CUX2: variants seen among roughly 807,000 people sequenced by gnomAD.
CUX2 encodes the protein cut like homeobox 2.
Under a neutral mutation model 144.8 loss-of-function variants are expected in CUX2, and 40 were observed. The ratio of observed to expected loss-of-function variants is 0.28; its 90% CI spans 0.21 to 0.36. CUX2 has a LOEUF of 0.36. Among genes scored for constraint, CUX2 ranks in the 10% least tolerant of loss-of-function variants. The pLI is 1.00. For synonymous variants in CUX2, 827 were observed against 875.6 expected, an observed-to-expected ratio of 0.94 and a Z score of 0.98; for missense variants, 1,615 against 1,994.0, an observed-to-expected ratio of 0.81 and a Z score of 3.62.
chr12:111,035,320 C>A lies in CUX2; in HGVS notation c.63+1080C>A, dbSNP rs762102197. ...CCTCCCTTTGTGGGAGTCTGTGTGC[C>A]TCCCCTAGATTTGGAGGTGTTCTCT... On this transcript the variant is annotated intron_variant, in intron 1 of 21. Transcript: ENST00000261726. The surrounding 1 kb of genome is among the most constrained non-coding windows in gnomAD (Gnocchi z 6.0). Among the ~76,000 whole-genome samples, 44 of 152,198 alleles carry A rather than the reference C, an allele frequency of 2.9e-4. No individual in the cohort carries two copies. Among genetic ancestry groups the A allele is most frequent in the Non-Finnish European group, 5.6e-4 (38 of 68,038 alleles).
In CUX2 at chr12:111,295,045, T is replaced by C. The variant is rs938537900; in HGVS notation, c.561-288T>C. Among the ~76,000 whole-genome samples, 4 of 152,174 alleles carry C rather than the reference T, an allele frequency of 2.6e-5. No individual in the cohort carries two copies. Among genetic ancestry groups the C allele is most frequent in the African/African-American group, 9.7e-5 (4 of 41,448 alleles). On this transcript the variant is annotated intron_variant, in intron 6 of 21. Transcript: ENST00000261726. This position sits in a 1 kb window ranked among gnomAD's most constrained non-coding sequence, Gnocchi z 5.0. ...GAGGCAGACCCTATCAGAAACCTCATTTTAAAAATAAGGAAACTGAGGACC... is the reference window on the plus strand; with the variant it reads ...GAGGCAGACCCTATCAGAAACCTCACTTTAAAAATAAGGAAACTGAGGACC...
At chr12:111,236,261 C>T (rs1882737929) in intron 3 of CUX2, among the ~76,000 whole-genome samples, 1 of 152,168 alleles carries the variant, frequency 6.6e-6, no homozygotes, top group African/African-American at 2.4e-5. Flanking sequence ...ATTCCTCAAA[C>T]ACGCTGCAGA....
At chr12:111,099,448 C>T (rs994957916) in intron 1 of CUX2, 10 of 415,040 alleles carry the variant, frequency 2.4e-5, no homozygotes, top group Middle Eastern at 4.1e-4. Flanking sequence ...TTGCCAAGCC[C>T]GGAAAGCCAG....
chr12:111,203,484 G>T (rs533888505), intron 1 of CUX2, among the ~76,000 whole-genome samples: 64 of 151,662 alleles, frequency 4.2e-4, no homozygotes, highest in African/African-American at 1.5e-3. Flanking sequence ...GGTTGAGGCT[G>T]CAGTGAGCTG....
At chr12:111,243,496 CTTTTT>C (rs761276935) in intron 3 of CUX2, among the ~76,000 whole-genome samples, 2 of 80,020 alleles carry the variant, frequency 2.5e-5, no homozygotes, top group Non-Finnish European at 4.3e-5. Flanking sequence ...GTTGATGTGC[CTTTTT>C]TTTTTTTTTT....
rs116003760 is a variant in CUX2 at position 111,296,486 on chromosome 12, G to T, written c.651G>T (p.Thr217=). The change falls in exon 8 of 22, where the codon ACG becomes ACT. Residue 217 remains threonine (T), a synonymous_variant. Coordinates refer to ENST00000261726, the MANE Select transcript of CUX2 (RefSeq NM_015267.4). ...IKVLHSALKA[T]QAELLELRRK... ...GCTTTCTCCCAGCGCTAAAGGCTAC[G>T]CAGGCAGAGCTGCTAGAGCTGCGGC... The T allele has an allele frequency of 3.7e-6, 6 of 1,609,718 alleles. No individual in the cohort carries two copies. In the Admixed American group the frequency reaches 5.0e-5, roughly 13 times the overall value.
At chr12:111,247,583 G>A (rs556728203) in intron 3 of CUX2, among the ~76,000 whole-genome samples, 2 of 152,282 alleles carry the variant, frequency 1.3e-5, no homozygotes, top group South Asian at 4.2e-4. Flanking sequence ...GCCAGGTCAG[G>A]ATCACCAAGC....
At chr12:111,330,544 T>C (rs1208298930) in intron 18 of CUX2, among the ~76,000 whole-genome samples, 2 of 151,162 alleles carry the variant, frequency 1.3e-5, no homozygotes, top group Non-Finnish European at 3.0e-5. Flanking sequence ...CTTGAGATCA[T>C]GAGCATTGGC....
intron 1 of CUX2, among the ~76,000 whole-genome samples, chr12:111,127,945 T>A (rs1875197427): frequency 6.6e-6 from 1 of 152,198 alleles, no homozygotes; most frequent in Non-Finnish European, 1.5e-5. Flanking sequence ...ATGATTCAGT[T>A]ATCTCCACCT....
chr12:111,274,276 G>A (rs2136305361), intron 4 of CUX2, among the ~76,000 whole-genome samples: 1 of 152,262 alleles, frequency 6.6e-6, no homozygotes, highest in South Asian at 2.1e-4. Flanking sequence ...AGTCCTGGCT[G>A]TGCTATTCCC....
intron 4 of CUX2, among the ~76,000 whole-genome samples, chr12:111,274,729 C>T (rs552195042): frequency 8.5e-5 from 13 of 152,330 alleles, no homozygotes; most frequent in Non-Finnish European, 1.8e-4. Flanking sequence ...CTCCCACCCC[C>T]GCAGGCGCCC....
intron 3 of CUX2, among the ~76,000 whole-genome samples, chr12:111,235,907 G>A (rs990060188): frequency 2.0e-5 from 3 of 152,088 alleles, no homozygotes; most frequent in Non-Finnish European, 1.5e-5. Flanking sequence ...ATTAGCAGAA[G>A]AGGACCTGGC....
chr12:111,111,329 C>T (rs1323776363), intron 1 of CUX2, among the ~76,000 whole-genome samples: 1 of 151,974 alleles, frequency 6.6e-6, no homozygotes. Context: ...GAGACAATGG[C>T]TTTGAACTTG....
chr12:111,162,165 C>T (rs1433189066), intron 1 of CUX2, among the ~76,000 whole-genome samples: 2 of 152,236 alleles, frequency 1.3e-5, no homozygotes, highest in South Asian at 2.1e-4. Context: ...GCGGCATTGC[C>T]GGGCCTGGTG....
At chr12:111,177,633 C>T (rs578243598) in intron 1 of CUX2, among the ~76,000 whole-genome samples, 6 of 152,214 alleles carry the variant, frequency 3.9e-5, no homozygotes, top group Non-Finnish European at 7.3e-5. Context: ...TCAAGTGATC[C>T]GCCTGCCTCA....
intron 1 of CUX2, among the ~76,000 whole-genome samples, chr12:111,136,107 C>T (rs1025346362): frequency 4.0e-5 from 6 of 151,780 alleles, no homozygotes; most frequent in African/African-American, 1.2e-4. Flanking sequence ...TCATTGACTC[C>T]GACGGCCACA....
chr12:111,328,941 ATCTCTCTCTCTC>A (rs1227047616), intron 18 of CUX2, among the ~76,000 whole-genome samples: 5 of 28,994 alleles, frequency 1.7e-4, no homozygotes, highest in African/African-American at 1.1e-3. Context: ...TGATTCACCT[ATCTCTCTCTCTC>A]TCTCTCTCTC....
At chr12:111,050,351 C>T (rs776940043) in intron 1 of CUX2, among the ~76,000 whole-genome samples, 1 of 152,236 alleles carries the variant, frequency 6.6e-6, no homozygotes, top group Non-Finnish European at 1.5e-5. Flanking sequence ...TCCACAACAT[C>T]ACTGCCTCCC....
intron 1 of CUX2, among the ~76,000 whole-genome samples, chr12:111,167,093 G>A (rs990582391): frequency 6.6e-6 from 1 of 152,160 alleles, no homozygotes; most frequent in Non-Finnish European, 1.5e-5. Flanking sequence ...GAAGCTCACA[G>A]TCTCAGCTTC....
Sources: allele counts gnomAD v4.1 joint callset (sites outside exome capture counted in the v4.1 genomes callset), GRCh38; gene constraint gnomAD v4.1.1; non-coding constraint Gnocchi (gnomAD v3.1); transcripts MANE v1.5; gene names NCBI Gene and HGNC (gene_info 2026-07-23, HGNC 2026-07-21).